The following ROBO2 variants were observed in gnomAD, a reference collection of about 807,000 sequenced individuals.
ROBO2 encodes the protein roundabout guidance receptor 2, also known as roundabout homolog 2.
ROBO2 carries 53 observed loss-of-function variants against 160.8 expected under a neutral mutation model. The ratio of observed to expected loss-of-function variants is 0.33; its 90% CI spans 0.26 to 0.41. The LOEUF is 0.41. ROBO2 is among the 10% of genes least tolerant of loss of function. ROBO2 has a pLI of 1.00. For missense variants in ROBO2, 1,577 were observed against 1,722.4 expected, an observed-to-expected ratio of 0.92 and a Z score of 1.49; for synonymous variants, 664 against 611.7, an observed-to-expected ratio of 1.09 and a Z score of -1.26.
At chr3:76,208,025 T>A (rs372558312) in intron 2 of ROBO2, among the ~76,000 whole-genome samples, 3 of 152,166 alleles carry the variant, frequency 2.0e-5, no homozygotes, top group Non-Finnish European at 4.4e-5. Flanking sequence ...ACCTCCCCAC[T>A]GTTACTCTTC....
chr3:77,081,277 G>A (rs2068625729), intron 1 of ROBO2, among the ~76,000 whole-genome samples: 2 of 152,194 alleles, frequency 1.3e-5, no homozygotes, highest in Non-Finnish European at 2.9e-5. Context: ...ATTGACACAA[G>A]AGTCTCATTA....
rs2059666078 is a variant in ROBO2, at chr3:77,273,997, T to TC, written c.388+175660dup. ...GTTGATACTTTTTCCTGTTTTTTTT[T>TC]CCCATAAGTTAAAGCTATACTGAGT... is the stretch of plus-strand genomic sequence containing the variant. On this transcript the variant is annotated intron_variant, in intron 2 of 25. Coordinates refer to ENST00000461745, the Ensembl canonical transcript of ROBO2. Among the ~76,000 whole-genome samples, 5 of 152,154 alleles carry TC rather than the reference T, an allele frequency of 3.3e-5. No individual in the cohort carries two copies. In the South Asian group the frequency reaches 6.2e-4, roughly 19 times the overall value.
intron 2 of ROBO2, among the ~76,000 whole-genome samples, chr3:76,393,124 A>C (rs1211791166): frequency 1.3e-5 from 2 of 152,146 alleles, no homozygotes; most frequent in African/African-American, 2.4e-5. Flanking sequence ...TAGATATAAC[A>C]TCGTTTTGTG....
At chr3:76,746,398 G>C (rs1161533489) in intron 2 of ROBO2, among the ~76,000 whole-genome samples, 1 of 152,050 alleles carries the variant, frequency 6.6e-6, no homozygotes, top group Non-Finnish European at 1.5e-5. Flanking sequence ...AGGTCCCTGA[G>C]GAATCTCCAC....
chr3:77,040,696 G>T (rs1036483885), exon 1 of ROBO2: 1 of 1,607,848 alleles, frequency 6.2e-7, no homozygotes, highest in South Asian at 1.1e-5. Flanking sequence ...CTAAACTTTG[G>T]ACCTACCTCT....
chr3:77,252,603 G>C (rs1040007320), intron 2 of ROBO2, among the ~76,000 whole-genome samples: 4 of 150,874 alleles, frequency 2.7e-5, no homozygotes, highest in Admixed American at 1.3e-4. Context: ...GTCAGGAGAT[G>C]GAGACCATCC....
intron 2 of ROBO2, among the ~76,000 whole-genome samples, chr3:77,004,320 A>G (rs1578189975): frequency 6.6e-6 from 1 of 152,196 alleles, no homozygotes; most frequent in East Asian, 1.9e-4. Context: ...CAGTATGAAA[A>G]GAAGAAAGAG....
intron 2 of ROBO2, among the ~76,000 whole-genome samples, chr3:76,986,551 A>G (rs1210160083): frequency 6.6e-6 from 1 of 152,126 alleles, no homozygotes; most frequent in Non-Finnish European, 1.5e-5. Flanking sequence ...AAGTTATATT[A>G]TTTTGTAATT....
chr3:77,455,445 C>A (rs1349888559), intron 2 of ROBO2, among the ~76,000 whole-genome samples: 1 of 152,060 alleles, frequency 6.6e-6, no homozygotes, highest in Non-Finnish European at 1.5e-5. Flanking sequence ...TCGTTATACT[C>A]TTTTTCTTTT....
intron 5 of ROBO2, among the ~76,000 whole-genome samples, chr3:77,511,148 C>T (rs565611694): frequency 7.2e-5 from 11 of 151,948 alleles, no homozygotes; most frequent in Admixed American, 1.3e-4. Context: ...GAAACTTGGG[C>T]GATGAACAAA....
At position 76,104,490 on chromosome 3, in the gene ROBO2, C is replaced by T. The variant is rs151191955; in HGVS notation, c.109+166888C>T. 5.4e-3 allele frequency among the ~76,000 whole-genome samples: 823 copies of T among 152,262 alleles called. 11 individuals carry two copies. The highest frequency in any genetic ancestry group is 0.019 in the African/African-American group (795 of 41,552). ...CTTTGTCAAGTTAAACCTCCCTTGG[C>T]CTCAATTTCCTCCTATGGAAAGTTA... is the stretch of plus-strand genomic sequence containing the variant. On this transcript the variant is annotated intron_variant, in intron 2 of 26. Transcript: ENST00000487694.
intron 2 of ROBO2, among the ~76,000 whole-genome samples, chr3:77,279,372 G>A (rs2060099440): frequency 6.6e-6 from 1 of 152,068 alleles, no homozygotes; most frequent in African/African-American, 2.4e-5. Context: ...TCACAATGAA[G>A]TCTGTGAGTT....
chr3:77,211,932 A>G (rs551131108), intron 2 of ROBO2, among the ~76,000 whole-genome samples: 93 of 152,298 alleles, frequency 6.1e-4, no homozygotes, highest in African/African-American at 2.2e-3. Context: ...CCATTGGTCT[A>G]TAACTCTGTT....
intron 2 of ROBO2, among the ~76,000 whole-genome samples, chr3:76,128,741 G>C (rs1216922896): frequency 6.6e-6 from 1 of 152,058 alleles, no homozygotes; most frequent in African/African-American, 2.4e-5. Context: ...GTCATTGACA[G>C]TCAAAGAATA....
chr3:76,467,254 T>C (rs955248044), intron 2 of ROBO2, among the ~76,000 whole-genome samples: 1 of 152,084 alleles, frequency 6.6e-6, no homozygotes, highest in African/African-American at 2.4e-5. Flanking sequence ...ATTTTTTATT[T>C]CTAATTATAA....
intron 2 of ROBO2, among the ~76,000 whole-genome samples, chr3:76,064,476 C>G (rs1341579042): frequency 6.6e-6 from 1 of 152,090 alleles, no homozygotes; most frequent in Non-Finnish European, 1.5e-5. Context: ...TAGTTCCACT[C>G]TCATTAGAGA....
Position 76,935,748 on chromosome 3 carries a change from T to C in ROBO2, c.110-162266T>C, listed in dbSNP as rs181905310. On this transcript the variant is annotated intron_variant, in intron 2 of 26. Transcript: ENST00000487694. ...TAAAACAGCTCTCTGAGACCTCTTT[T>C]ATAAGGGCACTGATCCCACTTCAGG... Among the ~76,000 whole-genome samples the C allele has an allele frequency of 5.9e-5, 9 of 152,316 alleles. No individual in the cohort carries two copies. In the South Asian group the frequency reaches 1.7e-3, roughly 28 times the overall value.
At chr3:77,232,350 G>T (rs928085807) in intron 2 of ROBO2, among the ~76,000 whole-genome samples, 3 of 152,060 alleles carry the variant, frequency 2.0e-5, no homozygotes, top group Admixed American at 6.6e-5. Flanking sequence ...GACCCTTTTG[G>T]CCTCTCTTAG....
At chr3:76,837,658 G>C (rs1476700666) in intron 2 of ROBO2, among the ~76,000 whole-genome samples, 2 of 151,316 alleles carry the variant, frequency 1.3e-5, no homozygotes, top group African/African-American at 4.9e-5. Flanking sequence ...TAATATCGTT[G>C]TTGTTGTTGA....
Sources: allele counts gnomAD v4.1 joint callset (sites outside exome capture counted in the v4.1 genomes callset), GRCh38; gene constraint gnomAD v4.1.1; transcripts MANE v1.5; gene names NCBI Gene and HGNC (gene_info 2026-07-23, HGNC 2026-07-21).